The following SHB variants were observed in gnomAD, a reference collection of about 807,000 sequenced individuals.
SHB encodes SH2 domain-containing adapter protein B.
A neutral mutation model predicts 52.3 loss-of-function variants in SHB; 20 were observed. The observed-to-expected ratio is 0.38, with a 90% CI of 0.27 to 0.56. The LOEUF is 0.56. Ranked by LOEUF, SHB falls within the 20% of genes least tolerant of loss-of-function variation. The probability of loss-of-function intolerance (pLI) is 0.71; values close to 1 mark genes in which losing one functional copy is unlikely to be tolerated. For synonymous variants in SHB, 397 were observed against 316.5 expected (o/e 1.25, Z -2.70); for missense variants, 825 against 723.3 (o/e 1.14, Z -1.61).
intron 2 of SHB, among the ~76,000 whole-genome samples, chr9:38,005,722 A>T (rs759462281): frequency 7.2e-5 from 11 of 152,206 alleles, no homozygotes; most frequent in Admixed American, 7.2e-4. Flanking sequence ...CCTGAGCCCT[A>T]CTTAGAGGAG....
chr9:38,025,298 CT>C (rs1471391543), intron 1 of SHB, among the ~76,000 whole-genome samples: 1 of 152,146 alleles, frequency 6.6e-6, no homozygotes, highest in African/African-American at 2.4e-5. Flanking sequence ...TCCTACTTGG[CT>C]CTGCTCAGCT....
At chr9:38,043,839 A>G (rs536544722) in intron 1 of SHB, among the ~76,000 whole-genome samples, 9 of 151,978 alleles carry the variant, frequency 5.9e-5, no homozygotes. Flanking sequence ...AGGTGAGCAG[A>G]GATTATGCCA....
intron 3 of SHB, among the ~76,000 whole-genome samples, chr9:37,958,568 C>T (rs1832660574): frequency 6.6e-6 from 1 of 152,204 alleles, no homozygotes; most frequent in African/African-American, 2.4e-5. Context: ...TCCTGCCCTT[C>T]CTTCTGGCCA....
Position 37,974,835 on chromosome 9 carries a change from A to T in SHB, c.841T>A (p.Phe281Ile). The T allele has an allele frequency of 1.2e-6, 2 of 1,613,666 alleles. No homozygotes were observed. The highest frequency in any genetic ancestry group is 1.7e-6 in the Non-Finnish European group (2 of 1,179,600). The change falls in exon 3 of 6, where the codon TTT (phenylalanine) becomes ATT (isoleucine). Residue 281 changes from phenylalanine to isoleucine, a missense_variant and splice_region_variant. Phe to Ile is a conservative substitution (Grantham distance 21). Coordinates refer to ENST00000377707, the MANE Select transcript of SHB (RefSeq NM_003028.3). ...PYEAQRIMTE[F>I]QRQESVRSQH... The stretch of plus-strand genomic sequence containing the variant: ...GACCGGACACTTTCCTGCCTCTGAA[A>T]TTCTGCAGGCAAAAAGGAAGGAAGC...
chr9:38,012,203 C>A (rs1821149541), intron 2 of SHB, among the ~76,000 whole-genome samples: 1 of 152,216 alleles, frequency 6.6e-6, no homozygotes, highest in South Asian at 2.1e-4. Context: ...CAGTGAATCA[C>A]TGCCCAAGAC....
At chr9:38,016,152 G>C in intron 1 of SHB, 21 bp from the exon 2 acceptor site, 1 of 1,613,656 alleles carries the variant, frequency 6.2e-7, no homozygotes, top group Non-Finnish European at 8.5e-7. Flanking sequence ...GAAGATGGCA[G>C]GTGTGAGTCC....
chr9:38,026,816 G>A (rs1277624203), intron 1 of SHB, among the ~76,000 whole-genome samples: 2 of 152,204 alleles, frequency 1.3e-5, no homozygotes, highest in Non-Finnish European at 2.9e-5. Context: ...ATGTCAAGCA[G>A]GTCTGTGATG....
intron 1 of SHB, among the ~76,000 whole-genome samples, chr9:38,061,664 C>A (rs1242880528): frequency 6.6e-6 from 1 of 152,162 alleles, no homozygotes; most frequent in African/African-American, 2.4e-5. Context: ...AGGGTCAAGT[C>A]ATGGGGGTTA....
chr9:38,020,381 C>T (rs1327426522), intron 1 of SHB, among the ~76,000 whole-genome samples: 2 of 152,300 alleles, frequency 1.3e-5, no homozygotes, highest in East Asian at 1.9e-4. Flanking sequence ...ATCAGGAAAG[C>T]TTGGGAAACA....
At chr9:38,026,706 G>A (rs765456049) in intron 1 of SHB, among the ~76,000 whole-genome samples, 1 of 152,200 alleles carries the variant, frequency 6.6e-6, no homozygotes, top group African/African-American at 2.4e-5. Flanking sequence ...CTCCTGTGCC[G>A]TCATCTAGGC....
At chr9:38,015,582 A>G in intron 2 of SHB, 1 of 659,586 alleles carries the variant, frequency 1.5e-6, no homozygotes, top group Non-Finnish European at 2.8e-6. Flanking sequence ...TAATCTGGCC[A>G]GCTCTCTTCT....
At chr9:38,060,659 A>T (rs1394511977) in intron 1 of SHB, among the ~76,000 whole-genome samples, 1 of 152,192 alleles carries the variant, frequency 6.6e-6, no homozygotes, top group Admixed American at 6.5e-5. Context: ...GTATTAGCTA[A>T]TATTACTGTA....
Position 38,068,565 on chromosome 9 carries a change from G to C in SHB, c.81C>G (p.Tyr27Ter), listed in dbSNP as rs1297317851. The change falls in exon 1 of 6, where the codon TAC becomes TAG. Residue 27 changes from tyrosine (Y) to a stop codon, truncating the protein, a stop_gained. Transcript: ENST00000377707. LOFTEE classifies it high-confidence loss of function. ...KSPPQPPRPD[Y>*]REQRRRGERP... Reference sequence around the variant, plus strand: ...GCTCGCCTCGGCGCCGCTGCTCGCGGTAGTCTGGCCGCGGCGGCTGCGGGG... The same window carrying C: ...GCTCGCCTCGGCGCCGCTGCTCGCGCTAGTCTGGCCGCGGCGGCTGCGGGG... 6.8e-7 allele frequency: 1 copy of C among 1,478,866 alleles called. No individual in the cohort carries two copies. Among genetic ancestry groups the C allele is most frequent in the Non-Finnish European group, 8.9e-7 (1 of 1,126,418 alleles). The allele number at this position is 1,478,866 out of a possible 1,614,324, so 91.6% of individuals were successfully genotyped here. A position where few individuals can be genotyped will look rare whatever the true frequency, so the allele number is the denominator to read the frequency against.
At chr9:37,990,336 C>A (rs1820867200) in intron 2 of SHB, among the ~76,000 whole-genome samples, 1 of 152,186 alleles carries the variant, frequency 6.6e-6, no homozygotes, top group Admixed American at 6.5e-5. Context: ...GAGGCTTCTA[C>A]CATTTTCTAG....
At chr9:37,989,043 T>A (rs1051693544) in intron 2 of SHB, among the ~76,000 whole-genome samples, 3 of 28,440 alleles carry the variant, frequency 1.1e-4, no homozygotes, top group African/African-American at 7.0e-4. Context: ...CATGATCCAT[T>A]TTTTTTTTTA....
intron 5 of SHB, among the ~76,000 whole-genome samples, chr9:37,933,966 A>C (rs775562017): frequency 6.6e-6 from 1 of 152,220 alleles, no homozygotes; most frequent in Non-Finnish European, 1.5e-5. Context: ...CTGGGGCAGA[A>C]TTTCCTGTCC....
rs1282288584 is a variant in SHB at position 37,919,932 on chromosome 9, A to T, written c.1419T>A (p.Pro473=). The change falls in exon 6 of 6, where the codon CCT becomes CCA. Residue 473 remains proline, a synonymous_variant. Coordinates refer to ENST00000377707, the MANE Select transcript of SHB (RefSeq NM_003028.3). ...KEKYVLGQNS[P]PFDSVPEVIH... is the part of the protein sequence containing the mutation. ...TGACTTCCGGGACACTGTCGAACGG[A>T]GGGCTGTTCTGACCCAGAACGTATT... is the stretch of plus-strand genomic sequence containing the variant. 1 of 1,613,968 alleles carries T rather than the reference A, an allele frequency of 6.2e-7. No individual in the cohort carries two copies. Among genetic ancestry groups the T allele is most frequent in the Non-Finnish European group, 8.5e-7 (1 of 1,179,948 alleles).
At chr9:38,067,513 C>T (rs922265527) in intron 1 of SHB, among the ~76,000 whole-genome samples, 3 of 152,192 alleles carry the variant, frequency 2.0e-5, no homozygotes, top group Admixed American at 2.0e-4. Flanking sequence ...GGGCGAGTCC[C>T]TTCCTTGCTC....
chr9:38,004,388 G>A (rs867673756), intron 2 of SHB, among the ~76,000 whole-genome samples: 1 of 152,186 alleles, frequency 6.6e-6, no homozygotes, highest in Non-Finnish European at 1.5e-5. Flanking sequence ...CGTGGGACTC[G>A]GAAGGGAAGG....
Sources: gnomAD v4.1 joint callset for allele counts (sites outside exome capture counted in the v4.1 genomes callset) on GRCh38, gnomAD v4.1.1 for gene constraint, MANE v1.5 for transcripts, NCBI Gene and HGNC (gene_info 2026-07-23, HGNC 2026-07-21) for gene names.